Variants in PCDH11X observed in about 807,000 individuals in gnomAD.
PCDH11X encodes protocadherin 11 X-linked.
In PCDH11X, 18 loss-of-function variants were observed where a neutral mutation model predicts 53.3. The ratio of observed to expected loss-of-function variants is 0.34; its 90% confidence interval spans 0.23 to 0.50. The LOEUF (loss-of-function observed/expected upper bound fraction) is 0.50, where lower values mean the gene tolerates loss of function less well. Ranked by LOEUF, PCDH11X falls within the 20% of genes least tolerant of loss-of-function variation. The pLI is 0.98. For synonymous variants in PCDH11X, 279 were observed against 393.3 expected (o/e 0.71, Z 3.44); for missense variants, 570 against 1,032.4 (o/e 0.55, Z 6.14).
At chrX:91,793,182 A>T (rs911937590) in intron 1 of PCDH11X, among the ~76,000 whole-genome samples, 2 of 108,644 alleles carry the variant, frequency 1.8e-5, no homozygotes, top group African/African-American at 6.7e-5. Context: ...TATTTTTAAC[A>T]TATGAGGAAA....
At chrX:92,598,492 A>G (rs1424504909) in intron 10 of PCDH11X, among the ~76,000 whole-genome samples, 3 of 108,016 alleles carry the variant, frequency 2.8e-5, no homozygotes, top group African/African-American at 1.0e-4. Flanking sequence ...AATAAAAACT[A>G]CAATGAGATA....
intron 5 of PCDH11X, among the ~76,000 whole-genome samples, chrX:91,859,697 C>A (rs1228106642): frequency 9.5e-6 from 1 of 105,789 alleles, no homozygotes; most frequent in Non-Finnish European, 1.9e-5. Flanking sequence ...TCTCCCAGCA[C>A]CATTTATTAA....
At chrX:91,931,017 A>G (rs1439416255) in intron 6 of PCDH11X, among the ~76,000 whole-genome samples, 1 of 111,055 alleles carries the variant, frequency 9.0e-6, no homozygotes, top group Non-Finnish European at 1.9e-5. Flanking sequence ...TAGAGGGAAT[A>G]TTTCAAAACA....
intron 7 of PCDH11X, among the ~76,000 whole-genome samples, chrX:92,247,424 G>A (rs1316115109): frequency 8.9e-6 from 1 of 112,000 alleles, no homozygotes; most frequent in African/African-American, 3.2e-5. Context: ...TGAGGTGGAA[G>A]CATGTCTCTT....
chrX:92,282,758 C>T (rs1047148512), intron 8 of PCDH11X, among the ~76,000 whole-genome samples: 1 of 111,210 alleles, frequency 9.0e-6, no homozygotes, highest in Admixed American at 9.6e-5. Flanking sequence ...ATGAAATCTT[C>T]CCTAGAGTAT....
At chrX:91,960,578 T>A (rs2061774231) in intron 6 of PCDH11X, among the ~76,000 whole-genome samples, 1 of 110,270 alleles carries the variant, frequency 9.1e-6, no homozygotes, top group South Asian at 3.9e-4. Context: ...GCACCCCCCA[T>A]CATGCCTGGC....
intron 10 of PCDH11X, among the ~76,000 whole-genome samples, chrX:92,606,232 C>CA (rs61522182): frequency 0.22 from 7,335 of 32,677 alleles, 1,095 homozygotes; most frequent in Middle Eastern, 0.32. Context: ...AATTCCGTCT[C>CA]AAAAAAAAAA....
chrX:92,489,623 A>G (rs987784671), intron 10 of PCDH11X, among the ~76,000 whole-genome samples: 1 of 108,007 alleles, frequency 9.3e-6, no homozygotes, highest in East Asian at 2.9e-4. Flanking sequence ...ACATAATAAT[A>G]TATCTCTTCT....
At chrX:91,952,521 T>C (rs2061653753) in intron 6 of PCDH11X, among the ~76,000 whole-genome samples, 1 of 111,307 alleles carries the variant, frequency 9.0e-6, no homozygotes, top group South Asian at 3.8e-4. Context: ...GCTGTTTTAA[T>C]GCATTTTTCC....
intron 8 of PCDH11X, among the ~76,000 whole-genome samples, chrX:92,377,512 A>T (rs1203647710): frequency 9.0e-6 from 1 of 111,474 alleles, no homozygotes; most frequent in Non-Finnish European, 1.9e-5. Context: ...AATAGAAAAT[A>T]TGTGATTCCT....
chrX:92,283,896 G>A, intron 8 of PCDH11X, among the ~76,000 whole-genome samples: 1 of 111,236 alleles, frequency 9.0e-6, no homozygotes, highest in African/African-American at 3.3e-5. Context: ...ATTTTTTCTT[G>A]ATGAACTTTA....
chrX:91,866,280 A>G (rs897506565), intron 5 of PCDH11X, among the ~76,000 whole-genome samples: 143 of 110,700 alleles, frequency 1.3e-3, no homozygotes, highest in Non-Finnish European at 2.3e-3. Context: ...CCACTGTCCT[A>G]TGCCCAGTTC....
intron 1 of PCDH11X, among the ~76,000 whole-genome samples, chrX:91,784,736 A>C (rs1470642775): frequency 9.0e-6 from 1 of 111,253 alleles, no homozygotes; most frequent in Non-Finnish European, 1.9e-5. Context: ...TAAGTCAGCT[A>C]TTCCCCGCCC....
intron 6 of PCDH11X, among the ~76,000 whole-genome samples, chrX:92,036,941 G>A (rs778655868): frequency 3.6e-4 from 40 of 112,007 alleles, no homozygotes; most frequent in African/African-American, 1.3e-3. Context: ...TTATGTTTTA[G>A]CAAGGGGACT....
chrX:92,325,231 T>G (rs1478746034), intron 8 of PCDH11X, among the ~76,000 whole-genome samples: 3 of 110,758 alleles, frequency 2.7e-5, no homozygotes, highest in African/African-American at 9.9e-5. Context: ...CTTGGCAACA[T>G]TCTATGCCCA....
chrX:92,442,888 G>T lies in PCDH11X; in HGVS notation c.3344-25411G>T, dbSNP rs745416349. ...TGCAACGAACATGCTGTTGGCATGT[G>T]TCTTTTTGGTAGAAAAATTTATATT... On this transcript the variant is annotated intron_variant, in intron 9 of 10. Coordinates refer to ENST00000682573, the MANE Select transcript of PCDH11X (RefSeq NM_032968.5). Among the ~76,000 whole-genome samples, 4 of 106,456 alleles carry T rather than the reference G, an allele frequency of 3.8e-5. No individual in the cohort carries two copies. The East Asian group carries it at 1.2e-3, about 32-fold the overall frequency. The allele number at this position is 106,456 out of a possible 115,157, so 92.4% of individuals were successfully genotyped here. A position where few individuals can be genotyped will look rare whatever the true frequency, so the allele number is the denominator to read the frequency against.
At chrX:92,431,606 G>C (rs2072251988) in intron 9 of PCDH11X, among the ~76,000 whole-genome samples, 1 of 110,169 alleles carries the variant, frequency 9.1e-6, no homozygotes, top group East Asian at 2.9e-4. Context: ...TCATGTCTAA[G>C]ATACCTATTA....
In PCDH11X at chrX:92,278,806, G is replaced by GTTTTTTTTTTTTT. The variant is rs35000823; in HGVS notation, c.3144+15673_3144+15685dup. On this transcript the variant is annotated intron_variant, in intron 8 of 10. Coordinates refer to ENST00000682573, the MANE Select transcript of PCDH11X (RefSeq NM_032968.5). The stretch of plus-strand genomic sequence containing the variant: ...TCAGAGGCCTGACAGTCTCTTTTCA[G>GTTTTTTTTTTTTT]TTTTTTTTTTTTTTTTTTTTTTGAG... Among the ~76,000 whole-genome samples the GTTTTTTTTTTTTT allele has an allele frequency of 4.0e-4, 19 of 47,376 alleles. 1 individual carries two copies. The highest frequency in any genetic ancestry group is 1.6e-3 in the African/African-American group (17 of 10,806). The allele number at this position is 47,376 out of a possible 115,157, so 41.1% of individuals were successfully genotyped here. A position where few individuals can be genotyped will look rare whatever the true frequency, so the allele number is the denominator to read the frequency against.
At chrX:91,950,545 T>C in intron 6 of PCDH11X, among the ~76,000 whole-genome samples, 1 of 94,374 alleles carries the variant, frequency 1.1e-5, no homozygotes, top group East Asian at 3.2e-4. Context: ...ATCAATGTGG[T>C]ATATATATAT....
Sources: gnomAD v4.1 joint callset for allele counts (sites outside exome capture counted in the v4.1 genomes callset) on GRCh38, gnomAD v4.1.1 for gene constraint, MANE v1.5 for transcripts, NCBI Gene and HGNC (gene_info 2026-07-23, HGNC 2026-07-21) for gene names.